CTNND2: variants seen among roughly 807,000 people sequenced by gnomAD.
The protein encoded by CTNND2 is catenin delta-2.
A neutral mutation model predicts 144.4 loss-of-function variants in CTNND2; 22 were observed. The observed-to-expected ratio is 0.15, with a 90% CI of 0.11 to 0.22. The LOEUF is 0.22. Among genes scored for constraint, CTNND2 ranks in the 10% least tolerant of loss-of-function variants. The pLI is 1.00. For synonymous variants in CTNND2, 751 were observed against 695.6 expected (o/e 1.08, Z -1.25); for missense variants, 1,353 against 1,618.8 (o/e 0.84, Z 2.82).
intron 2 of CTNND2, among the ~76,000 whole-genome samples, chr5:11,687,007 T>C (rs1215270588): frequency 6.6e-6 from 1 of 152,010 alleles, no homozygotes; most frequent in East Asian, 1.9e-4. Flanking sequence ...TATAACTACT[T>C]GTGCTATGAT....
chr5:11,396,206 A>C (rs1760114028), intron 6 of CTNND2, among the ~76,000 whole-genome samples: 1 of 152,202 alleles, frequency 6.6e-6, no homozygotes. Flanking sequence ...CAGAGGTTAG[A>C]AGGACTTATG....
At chr5:11,222,198 A>G (rs1357494420) in intron 10 of CTNND2, among the ~76,000 whole-genome samples, 1 of 152,218 alleles carries the variant, frequency 6.6e-6, no homozygotes, top group African/African-American at 2.4e-5. Flanking sequence ...AAGAAGACCC[A>G]TTAAAATAGA....
At chr5:11,188,712 C>T (rs1046864276) in intron 11 of CTNND2, among the ~76,000 whole-genome samples, 6 of 152,158 alleles carry the variant, frequency 3.9e-5, no homozygotes, top group Non-Finnish European at 5.9e-5. Context: ...AGAGAGCCAT[C>T]CCATAAGGAA....
chr5:11,789,497 G>A (rs544424496), intron 1 of CTNND2, among the ~76,000 whole-genome samples: 29 of 152,088 alleles, frequency 1.9e-4, no homozygotes, highest in African/African-American at 5.1e-4. Flanking sequence ...TTATTTCTGC[G>A]AGTAAGAATA....
intron 11 of CTNND2, among the ~76,000 whole-genome samples, chr5:11,173,001 C>A (rs1023992495): frequency 2.0e-5 from 3 of 152,166 alleles, no homozygotes; most frequent in African/African-American, 4.8e-5. Context: ...TTTTTAGTGT[C>A]TGGATGGCGA....
intron 2 of CTNND2, among the ~76,000 whole-genome samples, chr5:11,642,301 T>A (rs1010054764): frequency 2.0e-5 from 3 of 152,168 alleles, no homozygotes; most frequent in Admixed American, 1.3e-4. Context: ...AGAACATAAA[T>A]AATATTATAA....
intron 18 of CTNND2, among the ~76,000 whole-genome samples, chr5:11,006,908 G>A (rs944412386): frequency 6.6e-6 from 1 of 152,130 alleles, no homozygotes; most frequent in Non-Finnish European, 1.5e-5. Flanking sequence ...GGAGGAAAAT[G>A]GACAATGTCA....
At chr5:11,256,350 G>T (rs1251389279) in intron 9 of CTNND2, among the ~76,000 whole-genome samples, 2 of 152,120 alleles carry the variant, frequency 1.3e-5, no homozygotes, top group Admixed American at 6.5e-5. Context: ...AATTTCCCCA[G>T]CCTCTCTGTG....
intron 2 of CTNND2, among the ~76,000 whole-genome samples, chr5:11,671,820 G>A (rs1783887232): frequency 6.6e-6 from 1 of 151,928 alleles, no homozygotes; most frequent in Non-Finnish European, 1.5e-5. Flanking sequence ...TTGTTCCCTT[G>A]CTGGCGAGGA....
intron 14 of CTNND2, among the ~76,000 whole-genome samples, chr5:11,103,347 A>G (rs1048736065): frequency 6.6e-6 from 1 of 152,020 alleles, no homozygotes; most frequent in Non-Finnish European, 1.5e-5. Context: ...TGCTCCTTAT[A>G]TGAAGAGAAA....
At position 11,236,709 on chromosome 5, in the gene CTNND2, G is replaced by T; in HGVS notation, c.1743C>A (p.Asp581Glu). 6.2e-7 allele frequency: 1 copy of T among 1,614,076 alleles called. No individual in the cohort carries two copies. The highest frequency in any genetic ancestry group is 8.5e-7 in the Non-Finnish European group (1 of 1,180,000). The change falls in exon 10 of 22, where the codon GAC (aspartate) becomes GAA (glutamate). Residue 581 changes from aspartate (D) to glutamate (E), a missense_variant. Coordinates refer to ENST00000304623, the MANE Select transcript of CTNND2 (RefSeq NM_001332.4). ...AAYLQHLCFG[D>E]NKIKAEIRRQ... ...CACTGACCTCGGCTTTAATTTTGTT[G>T]TCTCCAAAACAGAGGTGTTGCAAGT...
intron 16 of CTNND2, among the ~76,000 whole-genome samples, chr5:11,063,093 T>G (rs1056374638): frequency 6.6e-6 from 1 of 152,170 alleles, no homozygotes. Flanking sequence ...CAATGAGATA[T>G]TTAAACATCA....
intron 1 of CTNND2, among the ~76,000 whole-genome samples, chr5:11,795,216 T>A (rs563732252): frequency 1.5e-3 from 222 of 152,256 alleles, no homozygotes; most frequent in Non-Finnish European, 2.4e-3. Context: ...GTAGCTATCA[T>A]AAATGCCAAG....
intron 2 of CTNND2, among the ~76,000 whole-genome samples, chr5:11,719,048 T>C (rs1002324020): frequency 3.3e-5 from 5 of 152,240 alleles, no homozygotes; most frequent in South Asian, 2.1e-4. Context: ...TGTGTTATTA[T>C]ATGCATACAT....
chr5:11,735,392 A>AAG (rs70949334), intron 1 of CTNND2, among the ~76,000 whole-genome samples: 24,908 of 152,094 alleles, frequency 0.16, 2,184 homozygotes, highest in South Asian at 0.28. Flanking sequence ...GAGATGGTGA[A>AAG]AGAGCAGAAA....
intron 9 of CTNND2, among the ~76,000 whole-genome samples, chr5:11,265,850 T>G (rs901688887): frequency 1.3e-5 from 2 of 152,026 alleles, no homozygotes; most frequent in South Asian, 4.2e-4. Context: ...TAGATGGGAT[T>G]ACAGGATCGC....
At chr5:11,627,573 A>G (rs1220888225) in intron 2 of CTNND2, among the ~76,000 whole-genome samples, 1 of 152,056 alleles carries the variant, frequency 6.6e-6, no homozygotes, top group Non-Finnish European at 1.5e-5. Context: ...ATATAAATAG[A>G]TAGTCACAAT....
chr5:11,614,025 A>G (rs6887289), intron 2 of CTNND2, among the ~76,000 whole-genome samples: 2,577 of 152,332 alleles, frequency 0.017, 88 homozygotes, highest in African/African-American at 0.059. Context: ...ATGTCTGCCA[A>G]TTGAAAAAGT....
At chr5:11,057,028 T>C (rs1746414488) in intron 16 of CTNND2, among the ~76,000 whole-genome samples, 1 of 152,202 alleles carries the variant, frequency 6.6e-6, no homozygotes, top group South Asian at 2.1e-4. Flanking sequence ...TGGTGTGACA[T>C]CCATCTATCT....
Sources: allele counts gnomAD v4.1 joint callset (sites outside exome capture counted in the v4.1 genomes callset), GRCh38; gene constraint gnomAD v4.1.1; transcripts MANE v1.5; gene names NCBI Gene and HGNC (gene_info 2026-07-23, HGNC 2026-07-21).